LRRC36: variants seen among roughly 807,000 people sequenced by gnomAD.
LRRC36 encodes leucine rich repeat containing 36.
A neutral mutation model predicts 81.1 loss-of-function variants in LRRC36; 62 were observed. The ratio of observed to expected loss-of-function variants is 0.76; its 90% confidence interval spans 0.62 to 0.94. The LOEUF (loss-of-function observed/expected upper bound fraction) is 0.94, where lower values mean the gene tolerates loss of function less well. Ranked by LOEUF, LRRC36 falls within the 40% of genes least tolerant of loss-of-function variation. LRRC36 has a pLI of 0.00. For missense variants in LRRC36, 761 were observed against 881.7 expected, an observed-to-expected ratio of 0.86 and a Z score of 1.73; for synonymous variants, 334 against 348.6, an observed-to-expected ratio of 0.96 and a Z score of 0.47.
chr16:67,361,564 A>G (rs928453904), intron 5 of LRRC36, among the ~76,000 whole-genome samples: 4 of 152,118 alleles, frequency 2.6e-5, no homozygotes, highest in African/African-American at 9.7e-5. Context: ...ACTGCAAAAT[A>G]CTAATGAGAT....
intron 1 of LRRC36, among the ~76,000 whole-genome samples, chr16:67,330,508 A>G (rs932559855): frequency 6.6e-6 from 1 of 152,166 alleles, no homozygotes; most frequent in Non-Finnish European, 1.5e-5. Flanking sequence ...GCATTCTCCA[A>G]AGGTGACCAG....
At chr16:67,359,986 G>T (rs530623323) in intron 5 of LRRC36, among the ~76,000 whole-genome samples, 1 of 152,124 alleles carries the variant, frequency 6.6e-6, no homozygotes, top group Non-Finnish European at 1.5e-5. Context: ...TTTGCTGGGC[G>T]TGGTGGTGCA....
intron 1 of LRRC36, among the ~76,000 whole-genome samples, chr16:67,335,692 C>T (rs1302226512): frequency 1.3e-5 from 2 of 151,558 alleles, no homozygotes; most frequent in East Asian, 1.9e-4. Flanking sequence ...GCTGGTCCCT[C>T]TGTTTGGGGT....
intron 9 of LRRC36, among the ~76,000 whole-genome samples, chr16:67,374,275 C>G (rs564365341): frequency 6.6e-6 from 1 of 151,074 alleles, no homozygotes; most frequent in East Asian, 1.9e-4. Flanking sequence ...TTATATTACT[C>G]CCATTTGTTT....
Position 67,375,991 on chromosome 16 carries a change from C to T in LRRC36, c.1660+579C>T, listed in dbSNP as rs184052862. ...AATAGAAGAATAATTAAGGAAATTT[C>T]GTTGGTGGTAAAATTTTAAATATAA... On this transcript the variant is annotated intron_variant, in intron 10 of 13. Coordinates refer to ENST00000329956, the MANE Select transcript of LRRC36 (RefSeq NM_018296.6). Among the ~76,000 whole-genome samples, 7 of 152,258 alleles carry T rather than the reference C, an allele frequency of 4.6e-5. No individual in the cohort carries two copies. In the East Asian group the frequency reaches 1.3e-3, roughly 29 times the overall value.
chr16:67,335,898 A>T (rs2037738680), intron 1 of LRRC36, among the ~76,000 whole-genome samples: 1 of 152,046 alleles, frequency 6.6e-6, no homozygotes, highest in South Asian at 2.1e-4. Context: ...ACGCCCAGCT[A>T]ATTTTGTATT....
intron 5 of LRRC36, among the ~76,000 whole-genome samples, chr16:67,360,219 A>G (rs528093412): frequency 6.6e-6 from 1 of 152,318 alleles, no homozygotes; most frequent in Non-Finnish European, 1.5e-5. Context: ...TGTACATCAG[A>G]AGAGAGACCA....
intron 12 of LRRC36, among the ~76,000 whole-genome samples, chr16:67,381,832 T>C (rs1211216675): frequency 2.0e-5 from 3 of 152,196 alleles, no homozygotes; most frequent in Non-Finnish European, 4.4e-5. Context: ...TTGGCCAGGC[T>C]GGTCCTGAAC....
intron 5 of LRRC36, among the ~76,000 whole-genome samples, chr16:67,354,145 C>T (rs1228505341): frequency 6.6e-6 from 1 of 152,112 alleles, no homozygotes; most frequent in African/African-American, 2.4e-5. Context: ...CAAACCACTC[C>T]TTCCTCCCCC....
chr16:67,334,347 C>T (rs540428366), intron 1 of LRRC36, among the ~76,000 whole-genome samples: 1 of 144,062 alleles, frequency 6.9e-6, no homozygotes, highest in East Asian at 2.1e-4. Context: ...TTTTTTGAGG[C>T]AGAGTCTTGT....
At chr16:67,352,412 A>G (rs910599013) in intron 5 of LRRC36, among the ~76,000 whole-genome samples, 9 of 152,162 alleles carry the variant, frequency 5.9e-5, no homozygotes, top group South Asian at 2.1e-4. Flanking sequence ...GTTGTTCCCA[A>G]TGGTGTTTTC....
At position 67,326,826 on chromosome 16, in the gene LRRC36, G is replaced by A; in HGVS notation, c.-37G>A. On this transcript the variant is annotated 5_prime_UTR_variant, in exon 1 of 14. Coordinates refer to ENST00000329956, the MANE Select transcript of LRRC36 (RefSeq NM_018296.6). ...GGGCGGGGCCTGGCGTGCGCCGGGT[G>A]GTCTCGCGGGCGGTGGCAGGTGAGC... 1 of 1,404,390 alleles carries A rather than the reference G, an allele frequency of 7.1e-7. No individual in the cohort carries two copies. The highest frequency in any genetic ancestry group is 9.2e-7 in the Non-Finnish European group (1 of 1,087,732). The allele number at this position is 1,404,390 out of a possible 1,614,324, so 87.0% of individuals were successfully genotyped here. A position where few individuals can be genotyped will look rare whatever the true frequency, so the allele number is the denominator to read the frequency against.
intron 9 of LRRC36, among the ~76,000 whole-genome samples, chr16:67,373,566 G>A (rs1448096471): frequency 6.6e-6 from 1 of 151,670 alleles, no homozygotes; most frequent in African/African-American, 2.4e-5. Context: ...AAATTAGCTG[G>A]GTGTGGTGAT....
rs533890042 is a variant in LRRC36, at chr16:67,371,059, C to T, written c.1311C>T (p.Asn437=). 33 of 1,614,190 alleles carry T rather than the reference C, an allele frequency of 2.0e-5. No individual in the cohort carries two copies. Among genetic ancestry groups the T allele is most frequent in the South Asian group, 1.5e-4 (14 of 91,086 alleles). ...CAGCACATGGTTCTGTCCCAAACAA[C>T]GCTGTCCTGGGAAACAGGACAACTC... ...LTPAHGSVPN[N]AVLGNRTTPL... is the part of the protein sequence containing the mutation. The change falls in exon 9 of 14, where the codon AAC becomes AAT. Residue 437 remains asparagine (N), a synonymous_variant. Coordinates refer to ENST00000329956, the MANE Select transcript of LRRC36 (RefSeq NM_018296.6).
chr16:67,341,846 A>T lies in LRRC36; in HGVS notation c.71-111A>T, dbSNP rs73594955. Reference sequence around the variant, plus strand: ...GAAGATCTGATCTTATGAGGCTTGGATGTAGGGCCTTGCACAGTTGAGATA... The same window carrying T: ...GAAGATCTGATCTTATGAGGCTTGGTTGTAGGGCCTTGCACAGTTGAGATA... On this transcript the variant is annotated intron_variant, in intron 1 of 13. Coordinates refer to ENST00000329956, the MANE Select transcript of LRRC36 (RefSeq NM_018296.6). The T allele has an allele frequency of 1.6e-3, 1,106 of 691,664 alleles. 6 individuals are homozygous for T. Among genetic ancestry groups the T allele is most frequent in the African/African-American group, 0.016 (867 of 55,376 alleles). 42.8% of individuals were successfully genotyped at this position (691,664 alleles called of 1,614,324 possible).
chr16:67,367,326 A>G lies in LRRC36; in HGVS notation c.1064A>G (p.Lys355Arg), dbSNP rs2039444050. Residue 355 changes from lysine to arginine, a missense_variant, in exon 8 of 14, where the codon AAG (lysine) becomes AGG (arginine). By Grantham distance (26) the Lys-to-Arg change is conservative. This residue lies in a region of LRRC36 where 139 missense variants were observed against 214.0 expected (regional missense o/e 0.65). Coordinates refer to ENST00000329956, the MANE Select transcript of LRRC36 (RefSeq NM_018296.6). ...GSLGKRPQRS[K>R]NYQEYSIKPS... ...CTTGGTAAAAGGCCTCAGAGAAGCAAGAACTATCAAGAGTATAGCATAAAG... is the reference window on the plus strand; with the variant it reads ...CTTGGTAAAAGGCCTCAGAGAAGCAGGAACTATCAAGAGTATAGCATAAAG... 2.5e-6 allele frequency: 4 copies of G among 1,614,044 alleles called. No individual in the cohort carries two copies. Among genetic ancestry groups the G allele is most frequent in the Non-Finnish European group, 3.4e-6 (4 of 1,180,024 alleles).
chr16:67,381,842 C>T (rs2040123270), intron 12 of LRRC36, among the ~76,000 whole-genome samples: 1 of 152,204 alleles, frequency 6.6e-6, no homozygotes, highest in African/African-American at 2.4e-5. Context: ...TGGTCCTGAA[C>T]TCCTGACCTT....
chr16:67,366,666 C>G (rs1171397295), intron 7 of LRRC36, among the ~76,000 whole-genome samples: 1 of 151,950 alleles, frequency 6.6e-6, no homozygotes, highest in African/African-American at 2.4e-5. Context: ...ACGAGAATCG[C>G]TTCCCTCTGG....
intron 1 of LRRC36, among the ~76,000 whole-genome samples, chr16:67,339,666 G>A (rs2037936972): frequency 6.6e-6 from 1 of 152,144 alleles, no homozygotes; most frequent in African/African-American, 2.4e-5. Context: ...TGTTCACAGA[G>A]TAGTGTAAAA....
Sources: gnomAD v4.1 joint callset for allele counts (sites outside exome capture counted in the v4.1 genomes callset) on GRCh38, gnomAD v4.1.1 for gene constraint, gnomAD v4.1.1 regional missense constraint, MANE v1.5 for transcripts, NCBI Gene and HGNC (gene_info 2026-07-23, HGNC 2026-07-21) for gene names.